The following ADRA1A variants were observed in gnomAD, a reference collection of about 807,000 sequenced individuals.
The protein encoded by ADRA1A is alpha-1A adrenergic receptor.
In ADRA1A, 31 loss-of-function variants were observed where a neutral mutation model predicts 29.6. The observed-to-expected ratio is 1.05, with a 90% CI of 0.79 to 1.41. The LOEUF is 1.41. Among genes scored for constraint, ADRA1A ranks in the 40% most tolerant of loss-of-function variants. ADRA1A has a pLI of 0.00. For missense variants in ADRA1A, 619 were observed against 601.1 expected, an observed-to-expected ratio of 1.03 and a Z score of -0.31; for synonymous variants, 311 against 254.3, an observed-to-expected ratio of 1.22 and a Z score of -2.12.
chr8:26,796,734 G>T lies in ADRA1A; in HGVS notation c.884-26068C>A, dbSNP rs1011900925. Among the ~76,000 whole-genome samples the T allele has an allele frequency of 1.3e-5, 2 of 152,086 alleles. No individual in the cohort carries two copies. The highest frequency in any genetic ancestry group is 2.9e-5 in the Non-Finnish European group (2 of 68,008). ...AGAGAGATGATTAATTTCGAAAGGG[G>T]GGTACAAGATGAAGGGACACCCCTG... On this transcript the variant is annotated intron_variant, in intron 2 of 2. Transcript: ENST00000380573. The surrounding 1 kb of genome is among the most constrained non-coding windows in gnomAD (Gnocchi z 5.0).
intron 2 of ADRA1A, among the ~76,000 whole-genome samples, chr8:26,799,940 T>A (rs72609956): frequency 6.6e-6 from 1 of 152,158 alleles, no homozygotes; most frequent in Non-Finnish European, 1.5e-5. Flanking sequence ...AGGAGTTATG[T>A]TACTTGACTT....
intron 2 of ADRA1A, among the ~76,000 whole-genome samples, chr8:26,851,112 C>G (rs920248149): frequency 1.3e-5 from 2 of 152,028 alleles, no homozygotes; most frequent in Non-Finnish European, 2.9e-5. Flanking sequence ...TAGAGAGATA[C>G]AAAAGACAGG....
rs1304693841 is a variant in ADRA1A, at chr8:26,841,343, C to T, written c.883+22744G>A. 6.6e-6 allele frequency among the ~76,000 whole-genome samples: 1 copy of T among 152,120 alleles called. No individual in the cohort carries two copies. The highest frequency in any genetic ancestry group is 1.5e-5 in the Non-Finnish European group (1 of 68,024). Reference sequence around the variant, plus strand: ...GGCCACCTACAGTTTCCTTTACCACCCACTGTCTGAGCCACCAAAGCCTAC... The same window carrying T: ...GGCCACCTACAGTTTCCTTTACCACTCACTGTCTGAGCCACCAAAGCCTAC... On this transcript the variant is annotated intron_variant, in intron 2 of 2. Coordinates refer to ENST00000380573, the MANE Select transcript of ADRA1A (RefSeq NM_000680.4). The surrounding 1 kb of genome is among the most constrained non-coding windows in gnomAD (Gnocchi z 4.4).
chr8:26,859,239 TTCTGC>T lies in ADRA1A; in HGVS notation c.883+4843_883+4847del, dbSNP rs1392307736. 6.6e-6 allele frequency: 8 copies of T among 1,215,996 alleles called. No individual in the cohort carries two copies. In the Admixed American group the frequency reaches 2.0e-4, roughly 31 times the overall value. The allele number at this position is 1,215,996 out of a possible 1,614,324, so 75.3% of individuals were successfully genotyped here. ...TAATAATATGATAGTATATTTATTC[TTCTGC>T]TCACATTTTGCATGAAAAACATACT... On this transcript the variant is annotated intron_variant, in intron 2 of 2. Coordinates refer to ENST00000380573, the MANE Select transcript of ADRA1A (RefSeq NM_000680.4).
At chr8:26,773,820 A>G (rs1252259762) in intron 2 of ADRA1A, among the ~76,000 whole-genome samples, 2 of 152,040 alleles carry the variant, frequency 1.3e-5, no homozygotes, top group Non-Finnish European at 2.9e-5. Context: ...AATTCCAGGT[A>G]TGGCTGACCC....
chr8:26,767,888 G>T (rs1205307035), downstream of ADRA1A, among the ~76,000 whole-genome samples: 1 of 152,166 alleles, frequency 6.6e-6, no homozygotes, highest in African/African-American at 2.4e-5. Flanking sequence ...AGGCCAAAGA[G>T]AAGCAAGGGT....
At chr8:26,765,858 T>G, downstream of ADRA1A, 1 of 1,408,868 alleles carries the variant, frequency 7.1e-7, no homozygotes, top group Non-Finnish European at 9.2e-7. Flanking sequence ...GTGATCAGAG[T>G]GAAAAATTGC....
At position 26,864,084 on chromosome 8, in the gene ADRA1A, T is replaced by A. The variant is rs781044951; in HGVS notation, c.883+3A>T. 1 of 1,611,058 alleles carries A rather than the reference T, an allele frequency of 6.2e-7. No homozygotes were observed. The highest frequency in any genetic ancestry group is 2.2e-5 in the East Asian group (1 of 44,850). ...GCTAAAGTGAGGGGTGTTCAAGACT[T>A]ACCAATGGGCATGACTAAGAAAAAA... On this transcript the variant is annotated splice_donor_region_variant and intron_variant, in intron 2 of 2. Coordinates refer to ENST00000380573, the MANE Select transcript of ADRA1A (RefSeq NM_000680.4). The surrounding 1 kb of genome is among the most constrained non-coding windows in gnomAD (Gnocchi z 8.1).
chr8:26,819,624 T>C (rs1003215206), intron 2 of ADRA1A, among the ~76,000 whole-genome samples: 1 of 151,904 alleles, frequency 6.6e-6, no homozygotes, highest in Non-Finnish European at 1.5e-5. Flanking sequence ...CTTTAGTAGA[T>C]ACACAGAAGA....
chr8:26,863,414 T>C (rs1731385488), intron 2 of ADRA1A, among the ~76,000 whole-genome samples: 1 of 152,214 alleles, frequency 6.6e-6, no homozygotes, highest in African/African-American at 2.4e-5. Flanking sequence ...AAGTGTTTGT[T>C]TTAATACTTA....
chr8:26,830,469 A>C (rs185061832), intron 2 of ADRA1A, among the ~76,000 whole-genome samples: 1 of 152,202 alleles, frequency 6.6e-6, no homozygotes, highest in African/African-American at 2.4e-5. Context: ...ACATGACTGG[A>C]CCACAGGGAA....
chr8:26,834,466 A>G (rs879885635), intron 2 of ADRA1A, among the ~76,000 whole-genome samples: 3 of 152,248 alleles, frequency 2.0e-5, no homozygotes, highest in African/African-American at 7.2e-5. Context: ...AGTTGCATTC[A>G]TCTACAGATA....
At chr8:26,852,497 CAAAA>C (rs1304298988) in intron 2 of ADRA1A, among the ~76,000 whole-genome samples, 1 of 151,142 alleles carries the variant, frequency 6.6e-6, no homozygotes, top group Non-Finnish European at 1.5e-5. Flanking sequence ...TGAGCAAAGA[CAAAA>C]AGAAAGAAGA....
At chr8:26,778,807 G>T (rs1411476517) in intron 2 of ADRA1A, among the ~76,000 whole-genome samples, 1 of 112,656 alleles carries the variant, frequency 8.9e-6, no homozygotes, top group Non-Finnish European at 1.7e-5. Flanking sequence ...GGTGGGGGGA[G>T]GGGGGAAGGA....
At position 26,769,828 on chromosome 8, in the gene ADRA1A, A is replaced by G; in HGVS notation, c.*321T>C. 1.9e-6 allele frequency: 2 copies of G among 1,062,932 alleles called. No homozygotes were observed. The highest frequency in any genetic ancestry group is 4.5e-5 in the South Asian group (1 of 22,448). 65.8% of individuals were successfully genotyped at this position (1,062,932 alleles called of 1,614,324 possible). A position where few individuals can be genotyped will look rare whatever the true frequency, so the allele number is the denominator to read the frequency against. On this transcript the variant is annotated 3_prime_UTR_variant, in exon 3 of 3. Transcript: ENST00000380573. ...ATATTCATGATGAAATCATAATCCTATATTTATAGTCTTTTGGATTGTGCA... is the reference window on the plus strand; with the variant it reads ...ATATTCATGATGAAATCATAATCCTGTATTTATAGTCTTTTGGATTGTGCA...
exon 3 of ADRA1A, chr8:26,748,363 G>C (rs1804780298): frequency 5.5e-6 from 1 of 181,564 alleles, no homozygotes; most frequent in African/African-American, 2.4e-5. Flanking sequence ...GTCCAGCCCT[G>C]CTGTTTTTCT....
At chr8:26,750,686 G>A (rs1804884009) in intron 2 of ADRA1A, among the ~76,000 whole-genome samples, 1 of 152,198 alleles carries the variant, frequency 6.6e-6, no homozygotes, top group Admixed American at 6.5e-5. Flanking sequence ...TTAGATACAA[G>A]CAAGTTGGGT....
At chr8:26,751,290 G>T (rs1394063169) in intron 2 of ADRA1A, among the ~76,000 whole-genome samples, 1 of 152,094 alleles carries the variant, frequency 6.6e-6, no homozygotes, top group East Asian at 1.9e-4. Flanking sequence ...AACATGTGGG[G>T]AGTGAGTACG....
At chr8:26,760,960 A>G (rs1234268190), downstream of ADRA1A, among the ~76,000 whole-genome samples, 2 of 152,088 alleles carry the variant, frequency 1.3e-5, no homozygotes, top group African/African-American at 4.8e-5. Flanking sequence ...CCCAGCTGCT[A>G]TCTGTAACTA....
Sources: gnomAD v4.1 joint callset for allele counts (sites outside exome capture counted in the v4.1 genomes callset) on GRCh38, gnomAD v4.1.1 for gene constraint, Gnocchi (gnomAD v3.1) non-coding constraint, MANE v1.5 for transcripts, NCBI Gene and HGNC (gene_info 2026-07-23, HGNC 2026-07-21) for gene names.